KIAA2012: variants seen among roughly 807,000 people sequenced by gnomAD.
KIAA2012 encodes uncharacterized protein KIAA2012.
KIAA2012 carries 125 observed loss-of-function variants against 150.6 expected under a neutral mutation model. The ratio of observed to expected loss-of-function variants is 0.83; its 90% CI spans 0.72 to 0.96. KIAA2012 has a LOEUF of 0.96. KIAA2012 is among the 40% of genes least tolerant of loss of function. The pLI, the probability that KIAA2012 is intolerant of heterozygous loss-of-function variation, is 0.00. For missense variants in KIAA2012, 1,219 were observed against 1,354.9 expected, an observed-to-expected ratio of 0.90 and a Z score of 1.57; for synonymous variants, 462 against 504.7, an observed-to-expected ratio of 0.92 and a Z score of 1.13.
chr2:202,184,976 T>C, intron 16 of KIAA2012, 133 bp downstream of exon 16: 1 of 608,830 alleles, frequency 1.6e-6, no homozygotes, highest in Non-Finnish European at 2.8e-6. Flanking sequence ...ACAGCCAAAA[T>C]TAAATGGTTG....
intron 4 of KIAA2012, among the ~76,000 whole-genome samples, chr2:202,094,333 C>G (rs1166857983): frequency 2.6e-5 from 4 of 152,078 alleles, no homozygotes; most frequent in Admixed American, 6.5e-5. Flanking sequence ...GCCTGACCAA[C>G]CCCCATCTTT....
chr2:202,111,371 A>G (rs1393995146), intron 10 of KIAA2012, among the ~76,000 whole-genome samples: 1 of 150,730 alleles, frequency 6.6e-6, no homozygotes, highest in Non-Finnish European at 1.5e-5. Flanking sequence ...TTAGCCAGGC[A>G]TGGTGGTGTA....
intron 22 of KIAA2012, chr2:202,202,021 G>A (rs766990069): frequency 4.7e-5 from 27 of 575,016 alleles, no homozygotes; most frequent in Non-Finnish European, 7.8e-5. Flanking sequence ...CGCTGCCGCC[G>A]CAGTTTTTGT....
chr2:202,088,013 G>A (rs1437242594), intron 2 of KIAA2012, among the ~76,000 whole-genome samples: 4 of 146,570 alleles, frequency 2.7e-5, no homozygotes, highest in African/African-American at 5.1e-5. Flanking sequence ...AAAAAAAAAA[G>A]TATAACAACT....
At chr2:202,171,222 CA>C (rs397987362) in intron 15 of KIAA2012, among the ~76,000 whole-genome samples, 29 of 152,078 alleles carry the variant, frequency 1.9e-4, no homozygotes, top group African/African-American at 5.1e-4. Context: ...CACACACACA[CA>C]CCCCAACTAG....
chr2:202,138,240 G>C, intron 12 of KIAA2012, 192 bp from the exon 13 acceptor site: 1 of 513,952 alleles, frequency 1.9e-6, no homozygotes, highest in Non-Finnish European at 3.5e-6. Context: ...TGTTTAACAT[G>C]GTGTTTAGGC....
intron 12 of KIAA2012, among the ~76,000 whole-genome samples, chr2:202,127,575 C>G (rs1382102922): frequency 1.3e-5 from 2 of 152,148 alleles, no homozygotes; most frequent in African/African-American, 4.8e-5. Flanking sequence ...GAGAAAAGTA[C>G]AGAAGGGGCC....
chr2:202,141,906 T>A (rs1403866660), intron 13 of KIAA2012, among the ~76,000 whole-genome samples: 1 of 152,050 alleles, frequency 6.6e-6, no homozygotes, highest in Non-Finnish European at 1.5e-5. Flanking sequence ...AGAGGAAATA[T>A]TAATATAGCT....
intron 14 of KIAA2012, among the ~76,000 whole-genome samples, chr2:202,158,960 G>A (rs974992451): frequency 6.6e-6 from 1 of 152,096 alleles, no homozygotes; most frequent in African/African-American, 2.4e-5. Context: ...CTTCCACCTC[G>A]CAGTTCCCAC....
chr2:202,138,467 C>G lies in KIAA2012; in HGVS notation c.1867C>G (p.Leu623Val). 2 of 1,550,582 alleles carry G rather than the reference C, an allele frequency of 1.3e-6. No homozygotes were observed. The highest frequency in any genetic ancestry group is 1.7e-6 in the Non-Finnish European group (2 of 1,146,954). The change falls in exon 13 of 24, where the codon CTT becomes GTT. Residue 623 changes from leucine (L) to valine (V), a missense_variant. Coordinates refer to ENST00000498697, the MANE Select transcript of KIAA2012 (RefSeq NM_001277372.4). ...ACCTAGAGCCAATCTTCACATGAAC[C>G]TTTATGAAACCTCACCGTTGACCCA... Reference protein sequence around the residue: ...TEPRANLHMNLYETSPLTQTT... With the variant: ...TEPRANLHMNVYETSPLTQTT...
At chr2:202,187,339 G>A (rs1415447472) in intron 17 of KIAA2012, among the ~76,000 whole-genome samples, 2 of 151,864 alleles carry the variant, frequency 1.3e-5, no homozygotes, top group Non-Finnish European at 2.9e-5. Flanking sequence ...CAGTCTCACT[G>A]TGTTGCCCAG....
At chr2:202,116,638 T>G (rs912365523) in intron 11 of KIAA2012, 1 of 152,050 alleles carries the variant, frequency 6.6e-6, no homozygotes, top group Non-Finnish European at 1.5e-5. Flanking sequence ...ATTTGTCATT[T>G]AATTAGCATC....
At chr2:202,164,132 G>A (rs1691711414) in intron 14 of KIAA2012, among the ~76,000 whole-genome samples, 1 of 152,022 alleles carries the variant, frequency 6.6e-6, no homozygotes, top group Non-Finnish European at 1.5e-5. Flanking sequence ...CCAGATTCCA[G>A]CTCTAGCACC....
At chr2:202,128,084 T>C (rs1373088145) in intron 12 of KIAA2012, among the ~76,000 whole-genome samples, 1 of 151,838 alleles carries the variant, frequency 6.6e-6, no homozygotes, top group African/African-American at 2.4e-5. Context: ...CAAACTGACC[T>C]CCCCACAAAG....
chr2:202,196,186 C>CTTTTCTTTTTTTTTTTT (rs59455367), intron 21 of KIAA2012, among the ~76,000 whole-genome samples: 5 of 79,702 alleles, frequency 6.3e-5, no homozygotes, highest in African/African-American at 2.4e-4. Context: ...CTTTTCTTTT[C>CTTTTCTTTTTTTTTTTT]TTTTTTTTTT....
At chr2:202,141,954 T>C (rs1691205462) in intron 13 of KIAA2012, among the ~76,000 whole-genome samples, 1 of 152,154 alleles carries the variant, frequency 6.6e-6, no homozygotes, top group Non-Finnish European at 1.5e-5. Context: ...GAAAAAAAAG[T>C]AAAATAGTTT....
intron 21 of KIAA2012, among the ~76,000 whole-genome samples, chr2:202,194,645 T>G (rs1271936132): frequency 1.6e-5 from 1 of 62,148 alleles, no homozygotes; most frequent in Non-Finnish European, 3.6e-5. Flanking sequence ...ACTCTTTGCT[T>G]CCTTCCCGAG....
intron 9 of KIAA2012, among the ~76,000 whole-genome samples, chr2:202,106,609 C>G (rs1451518540): frequency 2.0e-5 from 3 of 152,144 alleles, no homozygotes; most frequent in South Asian, 2.1e-4. Flanking sequence ...ATCACTTGAA[C>G]CCAGGAGGCG....
rs1267979978 is a variant in KIAA2012 at position 202,199,991 on chromosome 2, C to T, written c.3408-2438C>T. The stretch of plus-strand genomic sequence containing the variant: ...CTGTTGCCAGGCTGGAGTGCAGTGG[C>T]GCAATCTTGGCTCCCTGCAACCTCT... On this transcript the variant is annotated intron_variant, in intron 22 of 23. Transcript: ENST00000498697. Among the ~76,000 whole-genome samples, 10 of 122,080 alleles carry T rather than the reference C, an allele frequency of 8.2e-5. No homozygotes were observed. In the Admixed American group the frequency reaches 1.1e-3, roughly 14 times the overall value. 80.1% of individuals were successfully genotyped at this position (122,080 alleles called of 152,430 possible). A position where few individuals can be genotyped will look rare whatever the true frequency, so the allele number is the denominator to read the frequency against.
Sources: gnomAD v4.1 joint callset for allele counts (sites outside exome capture counted in the v4.1 genomes callset) on GRCh38, gnomAD v4.1.1 for gene constraint, MANE v1.5 for transcripts, NCBI Gene and HGNC (gene_info 2026-07-23, HGNC 2026-07-21) for gene names.